The following PCDH15 variants were observed in gnomAD, a reference collection of about 807,000 sequenced individuals.
The protein encoded by PCDH15 is protocadherin related 15, also known as protocadherin-15.
Under a neutral mutation model 178.5 loss-of-function variants are expected in PCDH15, and 129 were observed. The observed-to-expected ratio is 0.72, with a 90% CI of 0.63 to 0.84. The LOEUF (loss-of-function observed/expected upper bound fraction) is 0.84, where lower values mean the gene tolerates loss of function less well. Ranked by LOEUF, PCDH15 falls within the 40% of genes least tolerant of loss-of-function variation. The probability of loss-of-function intolerance (pLI) is 0.00; values close to 1 mark genes in which losing one functional copy is unlikely to be tolerated. For synonymous variants in PCDH15, 800 were observed against 732.0 expected, an observed-to-expected ratio of 1.09 and a Z score of -1.50; for missense variants, 2,230 against 2,099.9, an observed-to-expected ratio of 1.06 and a Z score of -1.21.
intron 3 of PCDH15, among the ~76,000 whole-genome samples, chr10:54,832,896 ACTT>A (rs1490805301): frequency 1.2e-4 from 18 of 152,294 alleles, no homozygotes; most frequent in African/African-American, 4.3e-4. Context: ...GAGCTCAAGA[ACTT>A]CTAGATTTTA....
At chr10:55,593,803 A>G (rs1040401709) in intron 2 of PCDH15, among the ~76,000 whole-genome samples, 1 of 151,818 alleles carries the variant, frequency 6.6e-6, no homozygotes, top group Non-Finnish European at 1.5e-5. Context: ...GGGATCCCTC[A>G]TATCTAGGGA....
chr10:54,386,213 G>A (rs1411984582), intron 3 of PCDH15, among the ~76,000 whole-genome samples: 1 of 150,172 alleles, frequency 6.7e-6, no homozygotes, highest in East Asian at 2.0e-4. Context: ...AATTGTTTTG[G>A]GCCACACAGG....
intron 2 of PCDH15, among the ~76,000 whole-genome samples, chr10:54,992,761 A>G (rs1319786092): frequency 1.5e-5 from 2 of 136,116 alleles, no homozygotes; most frequent in East Asian, 2.4e-4. Flanking sequence ...TCTCAAGAAA[A>G]AAAAAAAAAA....
intron 2 of PCDH15, among the ~76,000 whole-genome samples, chr10:54,642,085 G>C (rs1241533586): frequency 1.3e-5 from 2 of 151,200 alleles, no homozygotes; most frequent in Non-Finnish European, 2.9e-5. Flanking sequence ...ATGGTATAAG[G>C]AGGTGGGCTC....
intron 2 of PCDH15, among the ~76,000 whole-genome samples, chr10:54,533,986 C>T (rs1391401060): frequency 6.6e-6 from 1 of 151,966 alleles, no homozygotes. Context: ...ATTATTTAAC[C>T]TCTTGTATTT....
At chr10:54,965,132 A>G (rs552075414) in intron 2 of PCDH15, among the ~76,000 whole-genome samples, 95 of 152,322 alleles carry the variant, frequency 6.2e-4, no homozygotes, top group Middle Eastern at 3.4e-3. Flanking sequence ...TGGGCAAGGA[A>G]TGAAGTTACT....
At chr10:54,812,340 G>C (rs1355694720) in intron 3 of PCDH15, among the ~76,000 whole-genome samples, 1 of 147,802 alleles carries the variant, frequency 6.8e-6, no homozygotes, top group East Asian at 2.0e-4. Flanking sequence ...GCAGGATCTC[G>C]GCTCATTGCA....
chr10:54,790,240 A>G (rs1951267360), intron 1 of PCDH15, among the ~76,000 whole-genome samples: 1 of 151,818 alleles, frequency 6.6e-6, no homozygotes, highest in Admixed American at 6.6e-5. Flanking sequence ...CTGCTCATAC[A>G]CAGAAGATTT....
At chr10:54,545,734 T>A (rs1445841677) in intron 2 of PCDH15, among the ~76,000 whole-genome samples, 3 of 152,180 alleles carry the variant, frequency 2.0e-5, no homozygotes, top group Admixed American at 6.5e-5. Context: ...TAGTAAAACA[T>A]TATATATGTT....
At chr10:55,513,441 G>A (rs1565211581) in intron 2 of PCDH15, among the ~76,000 whole-genome samples, 1 of 151,876 alleles carries the variant, frequency 6.6e-6, no homozygotes, top group Non-Finnish European at 1.5e-5. Flanking sequence ...AGAGTTCATG[G>A]TTAGAATATT....
intron 1 of PCDH15, among the ~76,000 whole-genome samples, chr10:55,224,276 T>A (rs936829462): frequency 6.6e-6 from 1 of 152,122 alleles, no homozygotes; most frequent in Admixed American, 6.6e-5. Flanking sequence ...TTTTACTTCC[T>A]GTATCTATAT....
intron 1 of PCDH15, among the ~76,000 whole-genome samples, chr10:54,753,682 A>G (rs11004545): frequency 0.5 from 76,105 of 151,808 alleles, 19,629 homozygotes; most frequent in Middle Eastern, 0.68. Context: ...ATGGTCTGAA[A>G]ATCCTAAAGC....
At chr10:54,895,654 A>C (rs775502835) in intron 3 of PCDH15, among the ~76,000 whole-genome samples, 9 of 152,064 alleles carry the variant, frequency 5.9e-5, no homozygotes, top group Non-Finnish European at 1.2e-4. Flanking sequence ...CCTCTGCAAA[A>C]CATTGTTTTG....
chr10:54,444,146 C>A (rs2076004362), intron 3 of PCDH15, among the ~76,000 whole-genome samples: 1 of 151,636 alleles, frequency 6.6e-6, no homozygotes, highest in South Asian at 2.1e-4. Context: ...GCCTCATTAT[C>A]ATTCTCACTC....
intron 10 of PCDH15, among the ~76,000 whole-genome samples, chr10:54,202,480 C>G (rs1232280020): frequency 1.3e-5 from 2 of 152,028 alleles, no homozygotes; most frequent in African/African-American, 4.8e-5. Flanking sequence ...TTCTCAAACT[C>G]TGATGTACCT....
chr10:54,383,003 A>G (rs145670727), intron 3 of PCDH15, among the ~76,000 whole-genome samples: 104 of 152,308 alleles, frequency 6.8e-4, no homozygotes, highest in Admixed American at 2.2e-3. Context: ...TCAGCAATAT[A>G]GAGTTCTATG....
intron 13 of PCDH15, among the ~76,000 whole-genome samples, chr10:54,164,862 T>C (rs2046061724): frequency 6.6e-6 from 1 of 152,182 alleles, no homozygotes; most frequent in African/African-American, 2.4e-5. Context: ...ATAGAAGCTA[T>C]ATTGTTGCCT....
chr10:54,759,244 CCACTTGAA>C (rs1353273821), intron 1 of PCDH15, among the ~76,000 whole-genome samples: 1 of 152,054 alleles, frequency 6.6e-6, no homozygotes, highest in Non-Finnish European at 1.5e-5. Flanking sequence ...GTGTTCAATT[CCACTTGAA>C]CACTACCGGG....
intron 2 of PCDH15, among the ~76,000 whole-genome samples, chr10:55,593,216 G>T (rs977312738): frequency 5.3e-5 from 8 of 151,944 alleles, no homozygotes; most frequent in African/African-American, 1.9e-4. Flanking sequence ...AAAGAAGATA[G>T]AATAAAATTT....
Sources: allele counts gnomAD v4.1 joint callset (sites outside exome capture counted in the v4.1 genomes callset), GRCh38; gene constraint gnomAD v4.1.1; transcripts MANE v1.5; gene names NCBI Gene and HGNC (gene_info 2026-07-23, HGNC 2026-07-21).